The following SLC26A7 variants were observed in gnomAD, a reference collection of about 807,000 sequenced individuals.
The protein encoded by SLC26A7 is solute carrier family 26 member 7.
Under a neutral mutation model 82.5 loss-of-function variants are expected in SLC26A7, and 59 were observed. The ratio of observed to expected loss-of-function variants is 0.72; its 90% confidence interval spans 0.58 to 0.89. SLC26A7 has a LOEUF of 0.89. Among genes scored for constraint, SLC26A7 ranks in the 40% least tolerant of loss-of-function variants. SLC26A7 has a pLI of 0.00. For missense variants in SLC26A7, 820 were observed against 793.0 expected, an observed-to-expected ratio of 1.03 and a Z score of -0.41; for synonymous variants, 271 against 274.3, an observed-to-expected ratio of 0.99 and a Z score of 0.12.
intron 2 of SLC26A7, among the ~76,000 whole-genome samples, chr8:91,236,982 C>T (rs550253467): frequency 1.3e-5 from 2 of 152,296 alleles, no homozygotes; most frequent in South Asian, 4.1e-4. Context: ...ATCCTTCTGT[C>T]AACCGAACTT....
At chr8:91,253,725 C>T (rs1417821291) in intron 2 of SLC26A7, among the ~76,000 whole-genome samples, 1 of 152,068 alleles carries the variant, frequency 6.6e-6, no homozygotes, top group Non-Finnish European at 1.5e-5. Context: ...TCCCTTTGTA[C>T]TTTTTACATA....
intron 2 of SLC26A7, among the ~76,000 whole-genome samples, chr8:91,230,605 C>T (rs1190707975): frequency 6.6e-6 from 1 of 152,204 alleles, no homozygotes; most frequent in African/African-American, 2.4e-5. Flanking sequence ...AGTGACCTCT[C>T]TACCTGTAAC....
chr8:91,329,734 G>A (rs920514194), intron 5 of SLC26A7, among the ~76,000 whole-genome samples: 4 of 152,036 alleles, frequency 2.6e-5, no homozygotes, highest in African/African-American at 9.7e-5. Flanking sequence ...TCTTCTTCCT[G>A]ACAGATCATC....
upstream of SLC26A7, among the ~76,000 whole-genome samples, chr8:91,247,265 G>A (rs2130691800): frequency 6.6e-6 from 1 of 152,248 alleles, no homozygotes; most frequent in Middle Eastern, 3.4e-3. Flanking sequence ...CAGATGTTTA[G>A]GAAGAGATAT....
At chr8:91,385,670 G>A (rs1052441216) in intron 15 of SLC26A7, among the ~76,000 whole-genome samples, 1 of 152,086 alleles carries the variant, frequency 6.6e-6, no homozygotes, top group Non-Finnish European at 1.5e-5. Context: ...AAATAAAGAC[G>A]AAGCAAACAT....
chr8:91,346,141 A>G (rs1813557095), intron 9 of SLC26A7, among the ~76,000 whole-genome samples: 1 of 152,174 alleles, frequency 6.6e-6, no homozygotes, highest in African/African-American at 2.4e-5. Context: ...ATTCCAGGAA[A>G]ACAAAGCTCA....
intron 4 of SLC26A7, among the ~76,000 whole-genome samples, chr8:91,297,948 G>A (rs554053599): frequency 9.9e-5 from 15 of 152,166 alleles, no homozygotes; most frequent in East Asian, 1.9e-4. Context: ...TATTGTTAAA[G>A]TGTCTGAAAC....
At chr8:91,368,979 G>A (rs1381838629) in intron 14 of SLC26A7, among the ~76,000 whole-genome samples, 1 of 152,206 alleles carries the variant, frequency 6.6e-6, no homozygotes, top group Non-Finnish European at 1.5e-5. Flanking sequence ...AGAAAACACG[G>A]GCTCTCTAGT....
chr8:91,353,367 T>C (rs540028336), intron 11 of SLC26A7, among the ~76,000 whole-genome samples: 4 of 152,292 alleles, frequency 2.6e-5, no homozygotes, highest in Admixed American at 1.3e-4. Flanking sequence ...AAAACTATCA[T>C]GAATCACTAA....
intron 2 of SLC26A7, among the ~76,000 whole-genome samples, chr8:91,276,369 C>T (rs936752623): frequency 2.0e-5 from 3 of 152,098 alleles, no homozygotes; most frequent in Admixed American, 2.0e-4. Flanking sequence ...TATTATCTTG[C>T]ATTCATTTGA....
chr8:91,376,592 G>A (rs945068080), intron 15 of SLC26A7, among the ~76,000 whole-genome samples: 1 of 152,162 alleles, frequency 6.6e-6, no homozygotes, highest in African/African-American at 2.4e-5. Flanking sequence ...CTTCTGCAGG[G>A]CTGAGGGTGC....
At chr8:91,289,425 T>C (rs1162506917) in intron 3 of SLC26A7, among the ~76,000 whole-genome samples, 179 bp downstream of exon 3, 2 of 152,240 alleles carry the variant, frequency 1.3e-5, no homozygotes, top group African/African-American at 4.8e-5. Flanking sequence ...TATTGCTATA[T>C]TACTGTGTAG....
intron 2 of SLC26A7, among the ~76,000 whole-genome samples, chr8:91,275,181 A>G (rs1447240612): frequency 2.0e-5 from 3 of 152,288 alleles, no homozygotes; most frequent in African/African-American, 4.8e-5. Flanking sequence ...TTTTAGACTC[A>G]CTCTCTATAT....
chr8:91,366,804 A>C (rs1420900382), intron 14 of SLC26A7, 87 bp downstream of exon 14: 2 of 1,418,800 alleles, frequency 1.4e-6, no homozygotes, highest in South Asian at 2.8e-5. Flanking sequence ...ATAATAATAC[A>C]TCACACGAGT....
At position 91,396,562 on chromosome 8, in the gene SLC26A7, A is replaced by G. The variant is rs1452748092; in HGVS notation, c.*1465A>G. On this transcript the variant is annotated 3_prime_UTR_variant, in exon 19 of 19. Transcript: ENST00000276609. ...AGGTAGGGCAATGTAGTAAAATGAA[A>G]GAGAATTAAGAAAGGTTTTGAATTC... 1 of 152,006 alleles carries G rather than the reference A, an allele frequency of 6.6e-6. No individual in the cohort carries two copies. The highest frequency in any genetic ancestry group is 1.5e-5 in the Non-Finnish European group (1 of 67,904). The allele number at this position is 152,006 out of a possible 1,614,324, so 9.4% of individuals were successfully genotyped here.
intron 2 of SLC26A7, among the ~76,000 whole-genome samples, chr8:91,285,133 C>T (rs192621278): frequency 3.3e-5 from 5 of 152,352 alleles, no homozygotes; most frequent in African/African-American, 7.2e-5. Flanking sequence ...TGGTGGTTTG[C>T]TGGCAAGCTT....
intron 2 of SLC26A7, among the ~76,000 whole-genome samples, chr8:91,231,285 A>G (rs565247136): frequency 1.3e-5 from 2 of 152,342 alleles, no homozygotes; most frequent in East Asian, 3.9e-4. Context: ...GATGACTATG[A>G]TTTCATTGCT....
chr8:91,394,166 C>T (rs1301083624), intron 18 of SLC26A7, 127 bp downstream of exon 18: 14 of 1,604,618 alleles, frequency 8.7e-6, no homozygotes, highest in Admixed American at 5.1e-5. Context: ...CCACCCCACC[C>T]CACCTCAGAC....
intron 2 of SLC26A7, among the ~76,000 whole-genome samples, chr8:91,242,636 T>C (rs1420146632): frequency 6.6e-6 from 1 of 152,126 alleles, no homozygotes; most frequent in African/African-American, 2.4e-5. Context: ...TTCCTGTTTC[T>C]CTCTGCCATG....
Sources: gnomAD v4.1 joint callset for allele counts (sites outside exome capture counted in the v4.1 genomes callset) on GRCh38, gnomAD v4.1.1 for gene constraint, MANE v1.5 for transcripts, NCBI Gene and HGNC (gene_info 2026-07-23, HGNC 2026-07-21) for gene names.